ITPR1: variants seen among roughly 807,000 people sequenced by gnomAD.
ITPR1 encodes inositol 1,4,5-trisphosphate-gated calcium channel ITPR1.
A neutral mutation model predicts 318.4 loss-of-function variants in ITPR1; 96 were observed. The ratio of observed to expected loss-of-function variants is 0.30; its 90% CI spans 0.26 to 0.36. The LOEUF (loss-of-function observed/expected upper bound fraction) is 0.36. Among genes scored for constraint, ITPR1 ranks in the 10% least tolerant of loss-of-function variants. The probability of loss-of-function intolerance (pLI) is 1.00; values close to 1 mark genes in which losing one functional copy is unlikely to be tolerated. For missense variants in ITPR1, 2,440 were observed against 3,460.2 expected, an observed-to-expected ratio of 0.71 and a Z score of 7.40; for synonymous variants, 1,312 against 1,289.9, an observed-to-expected ratio of 1.02 and a Z score of -0.37.
intron 44 of ITPR1, 78 bp downstream of exon 44, chr3:4,735,432 G>T: frequency 7.9e-7 from 1 of 1,258,924 alleles, no homozygotes; most frequent in South Asian, 1.2e-5. Flanking sequence ...CAGATGTCTG[G>T]GTGGTACCAA....
At chr3:4,527,440 G>T (rs940820259) in intron 4 of ITPR1, among the ~76,000 whole-genome samples, 1 of 152,140 alleles carries the variant, frequency 6.6e-6, no homozygotes, top group Non-Finnish European at 1.5e-5. Context: ...CTCTCAAATT[G>T]CTGGGATTAC....
intron 18 of ITPR1, 92 bp downstream of exon 18, chr3:4,667,641 G>A (rs1346063509): frequency 2.4e-6 from 3 of 1,262,494 alleles, no homozygotes; most frequent in South Asian, 1.6e-5. Context: ...TCCTTGTGCT[G>A]CTAGTGACAA....
rs1426471157 is a variant in ITPR1, at chr3:4,783,843, A to G, written c.6538A>G (p.Ser2180Gly). 10 of 1,608,648 alleles carry G rather than the reference A, an allele frequency of 6.2e-6. No homozygotes were observed. The highest frequency in any genetic ancestry group is 8.5e-6 in the Non-Finnish European group (10 of 1,177,668). Reference sequence around the variant, plus strand: ...GGCTCGGCATAACAAAGAACTTCAGAGCATGCTGAAACCTGGTGGCCAAGT... The same window carrying G: ...GGCTCGGCATAACAAAGAACTTCAGGGCATGCTGAAACCTGGTGGCCAAGT... The part of the protein sequence containing the change: ...QLARHNKELQ[S>G]MLKPGGQVDG... The change falls in exon 51 of 62, where the codon AGC becomes GGC. Residue 2180 changes from serine (S) to glycine (G), a missense_variant. By Grantham distance (56) the Ser-to-Gly change is moderately conservative. Around this residue, in one of 23 missense-constraint regions of ITPR1, gnomAD observed 115 missense variants for 204.5 expected, o/e 0.56. Transcript: ENST00000649015.
intron 5 of ITPR1, among the ~76,000 whole-genome samples, chr3:4,630,659 T>C (rs943973228): frequency 6.6e-6 from 1 of 151,524 alleles, no homozygotes; most frequent in Non-Finnish European, 1.5e-5. Context: ...CATCTCGGCC[T>C]ACTGCAACCT....
chr3:4,651,976 A>T, intron 10 of ITPR1, 147 bp from the exon 11 acceptor site: 1 of 672,190 alleles, frequency 1.5e-6, no homozygotes, highest in Non-Finnish European at 2.7e-6. Context: ...GCTACACGTG[A>T]CACTGGCAAT....
chr3:4,800,338 G>T, intron 53 of ITPR1, 87 bp from the exon 54 acceptor site: 1 of 1,377,314 alleles, frequency 7.3e-7, no homozygotes, highest in Non-Finnish European at 1.0e-6. Flanking sequence ...AGTTATTGAG[G>T]AATCTGTAAC....
At chr3:4,563,879 G>T (rs879559689) in intron 4 of ITPR1, among the ~76,000 whole-genome samples, 1 of 152,074 alleles carries the variant, frequency 6.6e-6, no homozygotes, top group Non-Finnish European at 1.5e-5. Context: ...AAGCTGAATG[G>T]CTTGAACGAC....
Position 4,711,799 on chromosome 3 carries a change from G to A in ITPR1, c.5034G>A (p.Glu1678=). ...AACAGCTGCTAGAAGAAAATGAAGA[G>A]AAGCTCTGCATTAAGGTCCTACAGA... ...HTKQLLEENE[E]KLCIKVLQTL... The change falls in exon 39 of 62, where the codon GAG becomes GAA. Residue 1678 remains glutamate (E), a synonymous_variant. Coordinates refer to ENST00000649015, the MANE Select transcript of ITPR1 (RefSeq NM_001378452.1). 1 of 1,553,784 alleles carries A rather than the reference G, an allele frequency of 6.4e-7. No individual in the cohort carries two copies. Among genetic ancestry groups the A allele is most frequent in the Non-Finnish European group, 8.7e-7 (1 of 1,147,672 alleles).
At chr3:4,493,931 TG>T (rs2080345325) in intron 1 of ITPR1, among the ~76,000 whole-genome samples, 2 of 148,780 alleles carry the variant, frequency 1.3e-5, no homozygotes, top group Admixed American at 1.4e-4. Flanking sequence ...GGGTGTCATA[TG>T]TGAGTCTGCT....
intron 60 of ITPR1, among the ~76,000 whole-genome samples, chr3:4,827,766 G>C (rs1477603153): frequency 6.6e-6 from 1 of 152,196 alleles, no homozygotes; most frequent in African/African-American, 2.4e-5. Flanking sequence ...TCAGGGATCA[G>C]AGTACAAGGG....
chr3:4,764,257 C>A (rs892034074), intron 44 of ITPR1, among the ~76,000 whole-genome samples: 3 of 152,228 alleles, frequency 2.0e-5, no homozygotes, highest in Non-Finnish European at 2.9e-5. Context: ...CATATTTGAG[C>A]AATTTTCTAG....
chr3:4,740,642 C>G (rs1209745247), intron 44 of ITPR1, among the ~76,000 whole-genome samples: 1 of 152,150 alleles, frequency 6.6e-6, no homozygotes, highest in Non-Finnish European at 1.5e-5. Context: ...GGTGGTGTCC[C>G]CAGGTCTCCC....
intron 4 of ITPR1, among the ~76,000 whole-genome samples, chr3:4,617,854 TTAC>T (rs2092448100): frequency 6.6e-6 from 1 of 151,400 alleles, no homozygotes; most frequent in African/African-American, 2.4e-5. Context: ...GCTTACAGGC[TTAC>T]ACCTGTAGTC....
Position 4,725,395 on chromosome 3 carries a change from T to C in ITPR1, c.5137-151T>C. The stretch of plus-strand genomic sequence containing the variant: ...GAAGGTATCTGGTCACCTTGATTGC[T>C]GAAGCCCACTTCGGCAGGTGATCCA... On this transcript the variant is annotated intron_variant, in intron 40 of 61. Coordinates refer to ENST00000649015, the MANE Select transcript of ITPR1 (RefSeq NM_001378452.1). The C allele has an allele frequency of 4.3e-6, 3 of 691,220 alleles. 1 individual carries two copies. The highest frequency in any genetic ancestry group is 5.5e-5 in the East Asian group (2 of 36,652). 42.8% of individuals were successfully genotyped at this position (691,220 alleles called of 1,614,324 possible). A position where few individuals can be genotyped will look rare whatever the true frequency, so the allele number is the denominator to read the frequency against.
At chr3:4,685,018 T>C in intron 29 of ITPR1, 51 bp from the exon 30 acceptor site, 1 of 1,581,532 alleles carries the variant, frequency 6.3e-7, no homozygotes, top group Admixed American at 1.8e-5. Flanking sequence ...TGCAATCTTT[T>C]TCCAGCTATA....
Position 4,730,216 on chromosome 3 carries a change from T to TAA in ITPR1, c.5221-2859_5221-2858dup, listed in dbSNP as rs538473209. ...TCAAAAAAGGAATGAATCTCATCTT[T>TAA]AAAAAAAAAAAAAACAAAAAAAAAC... On this transcript the variant is annotated intron_variant, in intron 42 of 61. Coordinates refer to ENST00000649015, the MANE Select transcript of ITPR1 (RefSeq NM_001378452.1). Among the ~76,000 whole-genome samples the TAA allele has an allele frequency of 1.5e-3, 172 of 116,890 alleles. 5 individuals carry two copies. The highest frequency in any genetic ancestry group is 1.8e-3 in the Non-Finnish European group (98 of 54,394). The allele number at this position is 116,890 out of a possible 152,430, so 76.7% of individuals were successfully genotyped here. A position where few individuals can be genotyped will look rare whatever the true frequency, so the allele number is the denominator to read the frequency against.
intron 2 of ITPR1, among the ~76,000 whole-genome samples, chr3:4,503,429 T>C (rs573487562): frequency 1.8e-4 from 28 of 152,180 alleles, no homozygotes; most frequent in Non-Finnish European, 3.7e-4. Flanking sequence ...AATACCTGCT[T>C]CGGGTCATTG....
intron 4 of ITPR1, among the ~76,000 whole-genome samples, chr3:4,534,948 A>G (rs551451275): frequency 6.6e-6 from 1 of 152,324 alleles, no homozygotes; most frequent in Non-Finnish European, 1.5e-5. Flanking sequence ...GACAAAGAAT[A>G]CGGGGTTTTG....
chr3:4,661,101 C>T lies in ITPR1; in HGVS notation c.1251+14C>T, dbSNP rs2125189725. 3 of 1,461,992 alleles carry T rather than the reference C, an allele frequency of 2.1e-6. No individual in the cohort carries two copies. Among genetic ancestry groups the T allele is most frequent in the South Asian group, 2.3e-5 (2 of 87,732 alleles). 90.6% of individuals were successfully genotyped at this position (1,461,992 alleles called of 1,614,324 possible). The stretch of plus-strand genomic sequence containing the variant: ...GTGATGCTGAAAGTAAGTCCTGGGA[C>T]TTGCCTGTCTCCTTTTGGTCTCGTG... On this transcript the variant is annotated intron_variant, in intron 14 of 61. Transcript: ENST00000649015.
Sources: allele counts gnomAD v4.1 joint callset (sites outside exome capture counted in the v4.1 genomes callset), GRCh38; gene constraint gnomAD v4.1.1; regional missense constraint gnomAD v4.1.1; transcripts MANE v1.5; gene names NCBI Gene and HGNC (gene_info 2026-07-23, HGNC 2026-07-21).